AGO2: variants seen among roughly 807,000 people sequenced by gnomAD.
AGO2 encodes the protein protein argonaute-2.
In AGO2, 5 loss-of-function variants were observed where a neutral mutation model predicts 102.3. The observed-to-expected ratio is 0.05, with a 90% confidence interval of 0.03 to 0.10. The LOEUF (loss-of-function observed/expected upper bound fraction) is 0.10. Among genes scored for constraint, AGO2 ranks in the 10% least tolerant of loss-of-function variants. The pLI, the probability that AGO2 is intolerant of heterozygous loss-of-function variation, is 1.00. For missense variants in AGO2, 541 were observed against 1,183.7 expected, an observed-to-expected ratio of 0.46 and a Z score of 7.97; for synonymous variants, 449 against 473.1, an observed-to-expected ratio of 0.95 and a Z score of 0.66.
chr8:140,625,251 G>C (rs1806537), intron 1 of AGO2, among the ~76,000 whole-genome samples: 4 of 152,156 alleles, frequency 2.6e-5, no homozygotes, highest in Non-Finnish European at 2.9e-5. Flanking sequence ...AATTACAGGC[G>C]CCTGCCACCA....
chr8:140,581,018 C>G (rs2073548777), intron 2 of AGO2, among the ~76,000 whole-genome samples: 1 of 152,268 alleles, frequency 6.6e-6, no homozygotes, highest in African/African-American at 2.4e-5. Context: ...GATAACGAAG[C>G]CTTGGCCATG....
At chr8:140,579,412 T>C (rs2073517032) in intron 2 of AGO2, among the ~76,000 whole-genome samples, 1 of 152,200 alleles carries the variant, frequency 6.6e-6, no homozygotes, top group Non-Finnish European at 1.5e-5. Flanking sequence ...GGCGCCCATT[T>C]TCCTACTCTG....
intron 1 of AGO2, among the ~76,000 whole-genome samples, chr8:140,607,774 G>A (rs1277807219): frequency 6.6e-6 from 1 of 151,950 alleles, no homozygotes; most frequent in East Asian, 1.9e-4. Flanking sequence ...CTGCCAGGGG[G>A]TGGGAGGGGG....
In AGO2 at chr8:140,539,505, A is replaced by C; in HGVS notation, c.2035-51T>G. 6.4e-7 allele frequency: 1 copy of C among 1,569,830 alleles called. No homozygotes were observed. Among genetic ancestry groups the C allele is most frequent in the South Asian group, 1.2e-5 (1 of 85,500 alleles). On this transcript the variant is annotated intron_variant, in intron 15 of 18. Coordinates refer to ENST00000220592, the MANE Select transcript of AGO2 (RefSeq NM_012154.5). The surrounding 1 kb of genome is among the most constrained non-coding windows in gnomAD (Gnocchi z 4.7). ...GTGCTTAAAGATGGTAGTGCATGTG[A>C]GCAACGGTCCCACGTGCGGGTTCTG...
At chr8:140,627,381 T>G (rs536965205) in intron 1 of AGO2, among the ~76,000 whole-genome samples, 2 of 152,370 alleles carry the variant, frequency 1.3e-5, no homozygotes, top group Middle Eastern at 6.8e-3. Flanking sequence ...TTATGACCTA[T>G]GAACTTCAGT....
Position 140,628,020 on chromosome 8 carries a change from T to C in AGO2, c.22+7465A>G, listed in dbSNP as rs183245510. ...CTGGAGCTGCTCGAGGGCTTCTACC[T>C]CCTCTCCCCACCCTTATCCCAAAAC... On this transcript the variant is annotated intron_variant, in intron 1 of 18. Transcript: ENST00000220592. Among the ~76,000 whole-genome samples the C allele has an allele frequency of 1.9e-3, 293 of 152,174 alleles. 2 individuals are homozygous for C. The highest frequency in any genetic ancestry group is 3.7e-3 in the South Asian group (18 of 4,812).
Position 140,547,623 on chromosome 8 carries a change from C to T in AGO2, c.1593G>A (p.Glu531=), listed in dbSNP as rs1411630737. 1.9e-6 allele frequency: 3 copies of T among 1,612,486 alleles called. No homozygotes were observed. In the South Asian group the frequency reaches 3.3e-5, roughly 18 times the overall value. ...ILPGKTPVYA[E]VKRVGDTVLG... Reference sequence around the variant, plus strand: ...GCACCGTGTCTCCCACGCGCTTGACCTCGGCTAAGGGACATGAGAGGCACA... The same window carrying T: ...GCACCGTGTCTCCCACGCGCTTGACTTCGGCTAAGGGACATGAGAGGCACA... Residue 531 remains glutamate (E), a synonymous_variant, in exon 13 of 19, where the codon GAG becomes GAA. Transcript: ENST00000220592.
chr8:140,566,502 A>G (rs2073286073), intron 3 of AGO2, among the ~76,000 whole-genome samples: 3 of 152,234 alleles, frequency 2.0e-5, no homozygotes, highest in Admixed American at 6.5e-5. Flanking sequence ...AAAATTCTAA[A>G]TAAGTCACAC....
chr8:140,578,143 C>T (rs148291893), intron 2 of AGO2, among the ~76,000 whole-genome samples: 5 of 152,160 alleles, frequency 3.3e-5, no homozygotes, highest in Admixed American at 6.5e-5. Flanking sequence ...GAGGAGGGGC[C>T]GATCTTGTGT....
chr8:140,532,119 G>A lies in AGO2; in HGVS notation c.2505C>T (p.Asn835=), dbSNP rs748821913. 74 of 1,614,032 alleles carry A rather than the reference G, an allele frequency of 4.6e-5. No homozygotes were observed. Among genetic ancestry groups the A allele is most frequent in the East Asian group, 1.1e-4 (5 of 44,890 alleles). ...AEGSHTSGQS[N]GRDHQALAKA... Reference sequence around the variant, plus strand: ...TGGCCAGTGCTTGGTGGTCTCGCCCGTTACTCTGCCCAGAGGTATGGCTTC... The same window carrying A: ...TGGCCAGTGCTTGGTGGTCTCGCCCATTACTCTGCCCAGAGGTATGGCTTC... Residue 835 remains asparagine (N), a synonymous_variant, in exon 19 of 19, where the codon AAC becomes AAT. Transcript: ENST00000220592.
chr8:140,610,647 A>G (rs11989294), intron 1 of AGO2, among the ~76,000 whole-genome samples: 6,415 of 152,324 alleles, frequency 0.042, 460 homozygotes, highest in African/African-American at 0.14. Flanking sequence ...CCCGGCTCCC[A>G]TACCCACAGC....
chr8:140,636,800 CTG>C (rs2074413441), upstream of AGO2: 1 of 152,204 alleles, frequency 6.6e-6, no homozygotes, highest in Non-Finnish European at 1.5e-5. Flanking sequence ...ACCAGGAAAC[CTG>C]GGTAGGAGTG....
chr8:140,550,631 T>C (rs1417498757), intron 11 of AGO2, among the ~76,000 whole-genome samples: 1 of 152,216 alleles, frequency 6.6e-6, no homozygotes, highest in African/African-American at 2.4e-5. Context: ...CTATTTTTTT[T>C]CTTGAGATGG....
rs924502118 is a variant in AGO2 at position 140,523,757 on chromosome 8, C to A, written c.*8287G>T. Reference sequence around the variant, plus strand: ...GTGTCTGTTTGGCTTTGAAGAGGAACTGGGATGGCAGCCACAGTGCTCCCT... The same window carrying A: ...GTGTCTGTTTGGCTTTGAAGAGGAAATGGGATGGCAGCCACAGTGCTCCCT... On this transcript the variant is annotated 3_prime_UTR_variant, in exon 19 of 19. Coordinates refer to ENST00000220592, the MANE Select transcript of AGO2 (RefSeq NM_012154.5). 1 of 152,154 alleles carries A rather than the reference C, an allele frequency of 6.6e-6. No individual in the cohort carries two copies. Among genetic ancestry groups the A allele is most frequent in the African/African-American group, 2.4e-5 (1 of 41,418 alleles). The allele number at this position is 152,154 out of a possible 1,614,324, so 9.4% of individuals were successfully genotyped here. A position where few individuals can be genotyped will look rare whatever the true frequency, so the allele number is the denominator to read the frequency against.
chr8:140,584,956 G>A (rs1245045255), intron 2 of AGO2, among the ~76,000 whole-genome samples, 163 bp downstream of exon 2: 3 of 151,818 alleles, frequency 2.0e-5, no homozygotes, highest in East Asian at 1.9e-4. Context: ...TTTTCAATCC[G>A]TAGGTTTGAC....
At chr8:140,555,152 C>A (rs1432450987) in intron 10 of AGO2, among the ~76,000 whole-genome samples, 1 of 152,186 alleles carries the variant, frequency 6.6e-6, no homozygotes, top group Non-Finnish European at 1.5e-5. Context: ...AAGTCAGTGA[C>A]CTCTGACACT....
chr8:140,583,371 G>A (rs1432376397), intron 2 of AGO2, among the ~76,000 whole-genome samples: 3 of 152,160 alleles, frequency 2.0e-5, no homozygotes, highest in Non-Finnish European at 4.4e-5. Flanking sequence ...CATATCTATA[G>A]ATATATGTAC....
At chr8:140,575,868 G>A (rs1394084699) in intron 2 of AGO2, among the ~76,000 whole-genome samples, 1 of 152,132 alleles carries the variant, frequency 6.6e-6, no homozygotes, top group African/African-American at 2.4e-5. Context: ...GAAATGCCTA[G>A]AAGAAAACAT....
chr8:140,556,960 T>A, intron 8 of AGO2, 129 bp downstream of exon 8: 1 of 1,348,406 alleles, frequency 7.4e-7, no homozygotes, highest in Non-Finnish European at 1.0e-6. Flanking sequence ...CCACCCGCAT[T>A]CCTGCAGCAG....
Sources: allele counts gnomAD v4.1 joint callset (sites outside exome capture counted in the v4.1 genomes callset), GRCh38; gene constraint gnomAD v4.1.1; non-coding constraint Gnocchi (gnomAD v3.1); transcripts MANE v1.5; gene names NCBI Gene and HGNC (gene_info 2026-07-23, HGNC 2026-07-21).